Variants in CD163L1 observed in about 807,000 individuals in gnomAD.
CD163L1 encodes the protein CD163 molecule like 1, also known as scavenger receptor cysteine-rich type 1 protein M160.
In CD163L1, 124 loss-of-function variants were observed where a neutral mutation model predicts 165.4. The ratio of observed to expected loss-of-function variants is 0.75; its 90% CI spans 0.65 to 0.87. CD163L1 has a LOEUF of 0.87. Among genes scored for constraint, CD163L1 ranks in the 40% least tolerant of loss-of-function variants. The probability of loss-of-function intolerance (pLI) is 0.00; values close to 1 mark genes in which losing one functional copy is unlikely to be tolerated. For synonymous variants in CD163L1, 585 were observed against 662.2 expected (o/e 0.88, Z 1.79); for missense variants, 1,525 against 1,799.9 (o/e 0.85, Z 2.76).
chr12:7,423,543 G>A (rs1276905396), intron 4 of CD163L1, among the ~76,000 whole-genome samples: 1 of 151,954 alleles, frequency 6.6e-6, no homozygotes, highest in African/African-American at 2.4e-5. Context: ...CCCAGGAGCT[G>A]GTTTTTTGAA....
chr12:7,393,413 G>A (rs1477249837), intron 8 of CD163L1, among the ~76,000 whole-genome samples: 2 of 152,112 alleles, frequency 1.3e-5, no homozygotes, highest in Non-Finnish European at 2.9e-5. Context: ...GGTATTGATG[G>A]AACGTATCTC....
At chr12:7,397,578 A>G (rs981716867) in intron 7 of CD163L1, among the ~76,000 whole-genome samples, 1 of 152,162 alleles carries the variant, frequency 6.6e-6, no homozygotes, top group African/African-American at 2.4e-5. Context: ...AGAGACAACC[A>G]TCCACCTCTG....
At chr12:7,406,401 C>A in intron 5 of CD163L1, 131 bp downstream of exon 5, 1 of 774,782 alleles carries the variant, frequency 1.3e-6, no homozygotes, top group Non-Finnish European at 2.1e-6. Flanking sequence ...TCAATTCTTA[C>A]ACATCACAAT....
intron 6 of CD163L1, among the ~76,000 whole-genome samples, chr12:7,403,193 T>C (rs1162095316): frequency 1.8e-5 from 2 of 110,286 alleles, no homozygotes; most frequent in Non-Finnish European, 3.2e-5. Context: ...ATGTATATTA[T>C]TAAATAAAAA....
At chr12:7,328,553 A>C in the CD163L1 span, 2 of 387,664 alleles carry the variant, frequency 5.2e-6, no homozygotes, top group Non-Finnish European at 9.3e-6. Flanking sequence ...AGCCTCAAAA[A>C]CGTATGGATG....
rs905015076 is a variant in CD163L1 at position 7,439,983 on chromosome 12, C to T, written c.124+1171G>A. On this transcript the variant is annotated intron_variant, in intron 2 of 19. Transcript: ENST00000313599. ...TCACACTCGCTCCCTCCGCAGCCTG[C>T]TCCATCCTAGCAGCTCCGCAAACCG... 5 of 1,553,222 alleles carry T rather than the reference C, an allele frequency of 3.2e-6. No individual in the cohort carries two copies. The Admixed American group carries it at 7.7e-5, about 24-fold the overall frequency.
chr12:7,357,252 G>T, intron 19 of CD163L1, 128 bp downstream of exon 19: 1 of 575,684 alleles, frequency 1.7e-6, no homozygotes, highest in Non-Finnish European at 3.1e-6. Flanking sequence ...TAGAATATTT[G>T]AAATACTGGG....
At chr12:7,404,059 G>A (rs774349547) in intron 5 of CD163L1, among the ~76,000 whole-genome samples, 3 of 152,092 alleles carry the variant, frequency 2.0e-5, no homozygotes, top group Non-Finnish European at 4.4e-5. Flanking sequence ...TTTAAAGATT[G>A]TTTCATAACG....
At chr12:7,421,479 A>G (rs1565810085) in intron 4 of CD163L1, among the ~76,000 whole-genome samples, 2 of 102,964 alleles carry the variant, frequency 1.9e-5, no homozygotes, top group Non-Finnish European at 3.7e-5. Flanking sequence ...ATATACATAT[A>G]TGTACATATA....
At chr12:7,437,324 ATTT>A (rs772879851) in intron 2 of CD163L1, among the ~76,000 whole-genome samples, 1,185 of 22,558 alleles carry the variant, frequency 0.053, 14 homozygotes, top group African/African-American at 0.089. Context: ...TATTATTTTT[ATTT>A]TTATTTTTAT....
intron 8 of CD163L1, among the ~76,000 whole-genome samples, chr12:7,385,703 A>G (rs1330286877): frequency 6.6e-6 from 1 of 152,070 alleles, no homozygotes; most frequent in African/African-American, 2.4e-5. Context: ...CAACGACAAG[A>G]TAAATTTTGG....
intron 8 of CD163L1, among the ~76,000 whole-genome samples, chr12:7,394,354 A>T (rs965906413): frequency 3.3e-5 from 5 of 152,198 alleles, no homozygotes; most frequent in Non-Finnish European, 4.4e-5. Context: ...AGGATTCCCT[A>T]TTTAATAAAT....
At chr12:7,328,436 A>G in the CD163L1 span, 1 of 1,239,466 alleles carries the variant, frequency 8.1e-7, no homozygotes, top group Non-Finnish European at 1.1e-6. Context: ...ATTTGTTCCG[A>G]TAATTCAGCG....
At position 7,439,539 on chromosome 12, in the gene CD163L1, T is replaced by C. The variant is rs751799627; in HGVS notation, c.124+1615A>G. The C allele has an allele frequency of 2.5e-6, 4 of 1,575,428 alleles. No individual in the cohort carries two copies. In the African/African-American group the frequency reaches 5.5e-5, roughly 22 times the overall value. ...GCCTTAATTTTTTCTTTTTCTTCTT[T>C]GGGGAAGTATCTTCTTTTGTCTTAC... On this transcript the variant is annotated intron_variant, in intron 2 of 19. Coordinates refer to ENST00000313599, the MANE Select transcript of CD163L1 (RefSeq NM_174941.6).
chr12:7,407,909 A>G (rs935410382), intron 4 of CD163L1, among the ~76,000 whole-genome samples: 2 of 151,950 alleles, frequency 1.3e-5, no homozygotes, highest in Non-Finnish European at 2.9e-5. Context: ...CAGATGCTCA[A>G]GTCCCTTAGT....
chr12:7,443,307 C>G (rs192858555), intron 1 of CD163L1, among the ~76,000 whole-genome samples: 61 of 152,296 alleles, frequency 4.0e-4, no homozygotes, highest in African/African-American at 1.3e-3. Context: ...ACAATGCCAA[C>G]AGGAGTAGCA....
intron 4 of CD163L1, among the ~76,000 whole-genome samples, chr12:7,412,212 T>TAGA (rs1402460033): frequency 1.3e-5 from 2 of 152,236 alleles, no homozygotes; most frequent in Non-Finnish European, 2.9e-5. Flanking sequence ...TGTTCATTTC[T>TAGA]AGAACAAAAG....
chr12:7,405,288 C>T (rs990788717), intron 5 of CD163L1, among the ~76,000 whole-genome samples: 6 of 151,898 alleles, frequency 4.0e-5, no homozygotes, highest in Admixed American at 3.3e-4. Context: ...TTCCTTCCCC[C>T]TTCTCTCATC....
chr12:7,404,667 T>C (rs1947981780), intron 5 of CD163L1, among the ~76,000 whole-genome samples: 1 of 152,186 alleles, frequency 6.6e-6, no homozygotes, highest in African/African-American at 2.4e-5. Flanking sequence ...TCATACATCA[T>C]TACAAAAATA....
Sources: allele counts gnomAD v4.1 joint callset (sites outside exome capture counted in the v4.1 genomes callset), GRCh38; gene constraint gnomAD v4.1.1; transcripts MANE v1.5; gene names NCBI Gene and HGNC (gene_info 2026-07-23, HGNC 2026-07-21).